RYR3: variants seen among roughly 807,000 people sequenced by gnomAD.
The protein encoded by RYR3 is ryanodine receptor 3.
In RYR3, 207 loss-of-function variants were observed where a neutral mutation model predicts 584.3. The ratio of observed to expected loss-of-function variants is 0.35; its 90% CI spans 0.32 to 0.40. The LOEUF is 0.40. Among genes scored for constraint, RYR3 ranks in the 10% least tolerant of loss-of-function variants. The probability of loss-of-function intolerance (pLI) is 1.00; values close to 1 mark genes in which losing one functional copy is unlikely to be tolerated. For synonymous variants in RYR3, 2,416 were observed against 2,248.5 expected, an observed-to-expected ratio of 1.07 and a Z score of -2.11; for missense variants, 5,616 against 6,089.2, an observed-to-expected ratio of 0.92 and a Z score of 2.59.
At chr15:33,660,052 G>A (rs949911860) in intron 33 of RYR3, 145 bp from the exon 34 acceptor site, 13 of 648,964 alleles carry the variant, frequency 2.0e-5, no homozygotes, top group Non-Finnish European at 3.3e-5. Flanking sequence ...TATTTGAAAT[G>A]CTAATTAATG....
chr15:33,488,053 AC>A (rs780638927), intron 2 of RYR3, among the ~76,000 whole-genome samples: 93 of 152,366 alleles, frequency 6.1e-4, no homozygotes, highest in African/African-American at 1.9e-3. Flanking sequence ...AAAGAAAAAA[AC>A]ATCCACCTTT....
intron 28 of RYR3, among the ~76,000 whole-genome samples, chr15:33,645,201 A>G (rs2062033986): frequency 1.3e-5 from 2 of 152,144 alleles, no homozygotes; most frequent in African/African-American, 2.4e-5. Flanking sequence ...CCCATCTTCT[A>G]AGGGGAGCAG....
intron 2 of RYR3, among the ~76,000 whole-genome samples, chr15:33,482,353 C>A (rs1323228775): frequency 6.6e-6 from 1 of 152,240 alleles, no homozygotes; most frequent in Non-Finnish European, 1.5e-5. Flanking sequence ...ACCTTTTCCT[C>A]TGGAAAGTTT....
chr15:33,768,740 C>T, intron 61 of RYR3, 33 bp downstream of exon 61: 1 of 1,604,538 alleles, frequency 6.2e-7, no homozygotes, highest in Non-Finnish European at 8.5e-7. Context: ...TACCGCTCCT[C>T]CCTGTAATTA....
At chr15:33,554,971 A>C (rs1047982034) in intron 10 of RYR3, among the ~76,000 whole-genome samples, 4 of 152,196 alleles carry the variant, frequency 2.6e-5, no homozygotes, top group Non-Finnish European at 5.9e-5. Flanking sequence ...AGCCACTTTA[A>C]ATGACTACAC....
At chr15:33,383,117 G>A (rs1278686509) in intron 1 of RYR3, among the ~76,000 whole-genome samples, 1 of 151,878 alleles carries the variant, frequency 6.6e-6, no homozygotes, top group Non-Finnish European at 1.5e-5. Flanking sequence ...GACTAGGTGA[G>A]TGTTGGAGAC....
chr15:33,846,891 C>T (rs2078757029), intron 93 of RYR3: 1 of 152,214 alleles, frequency 6.6e-6, no homozygotes, highest in Non-Finnish European at 1.5e-5. Context: ...TTCGCTGCTG[C>T]TCCTTAGTTT....
At chr15:33,621,577 C>G (rs772512970) in intron 19 of RYR3, among the ~76,000 whole-genome samples, 7 of 152,198 alleles carry the variant, frequency 4.6e-5, no homozygotes, top group Non-Finnish European at 7.4e-5. Context: ...TAGATTGTGT[C>G]CTATTACATA....
intron 57 of RYR3, among the ~76,000 whole-genome samples, chr15:33,751,196 C>T (rs1438863464): frequency 2.0e-5 from 3 of 152,236 alleles, no homozygotes; most frequent in Non-Finnish European, 2.9e-5. Flanking sequence ...AATAAACATA[C>T]GTGTGCATGT....
Position 33,728,874 on chromosome 15 carries a change from C to A in RYR3, c.7051C>A (p.Pro2351Thr). The change falls in exon 47 of 104, where the codon CCA (proline) becomes ACA (threonine). Residue 2351 changes from proline to threonine, a missense_variant. Pro to Thr is a conservative substitution (Grantham distance 38). Coordinates refer to ENST00000634891, the MANE Select transcript of RYR3 (RefSeq NM_001036.6). ...TCTTTCAGATGGGTCGGTCAGTGAG[C>A]CAGATATGGCGGCCAATTTCTGCCC... ...SLNKDGSVSE[P>T]DMAANFCPDH... 2 of 1,611,786 alleles carry A rather than the reference C, an allele frequency of 1.2e-6. No homozygotes were observed. Among genetic ancestry groups the A allele is most frequent in the Non-Finnish European group, 1.7e-6 (2 of 1,179,264 alleles).
chr15:33,580,554 C>T (rs373689203), intron 13 of RYR3, among the ~76,000 whole-genome samples: 13 of 152,300 alleles, frequency 8.5e-5, no homozygotes, highest in East Asian at 3.9e-4. Flanking sequence ...ACACAGAAGA[C>T]GCTGTCTTAT....
chr15:33,833,560 A>G (rs906215895), intron 86 of RYR3, among the ~76,000 whole-genome samples: 1 of 152,228 alleles, frequency 6.6e-6, no homozygotes, highest in African/African-American at 2.4e-5. Flanking sequence ...AATGCAGTGT[A>G]CCTAAGGAGA....
At chr15:33,483,935 AATTTAATTAAATGTTT>A (rs1395861224) in intron 2 of RYR3, among the ~76,000 whole-genome samples, 2 of 152,170 alleles carry the variant, frequency 1.3e-5, no homozygotes, top group Non-Finnish European at 2.9e-5. Flanking sequence ...CTTAGAAGAA[AATTTAATTAAATGTTT>A]ATAGCACCTG....
intron 3 of RYR3, among the ~76,000 whole-genome samples, chr15:33,508,267 A>G (rs775000249): frequency 2.0e-5 from 3 of 152,200 alleles, no homozygotes; most frequent in Admixed American, 6.5e-5. Flanking sequence ...CCACATGAAC[A>G]TGACACTTTA....
chr15:33,437,483 G>T (rs2045839450), intron 1 of RYR3, among the ~76,000 whole-genome samples: 1 of 152,208 alleles, frequency 6.6e-6, no homozygotes, highest in South Asian at 2.1e-4. Flanking sequence ...TCTTTTTTAA[G>T]ACCTTATCCC....
intron 5 of RYR3, among the ~76,000 whole-genome samples, chr15:33,534,529 A>C (rs527494970): frequency 6.6e-6 from 1 of 152,014 alleles, no homozygotes; most frequent in Non-Finnish European, 1.5e-5. Context: ...TTTTTTTTTT[A>C]GTATAGTCAA....
At chr15:33,731,716 T>C in intron 48 of RYR3, 22 bp downstream of exon 48, 1 of 1,521,456 alleles carries the variant, frequency 6.6e-7, no homozygotes, top group Non-Finnish European at 9.1e-7. Context: ...TCCTATGTTG[T>C]TACTTCTGTG....
At chr15:33,574,928 A>T (rs948854372) in intron 12 of RYR3, among the ~76,000 whole-genome samples, 1 of 152,196 alleles carries the variant, frequency 6.6e-6, no homozygotes, top group African/African-American at 2.4e-5. Flanking sequence ...TAAAGGCCCG[A>T]GGAAAATTTA....
chr15:33,680,496 G>A (rs115009118), intron 38 of RYR3, among the ~76,000 whole-genome samples: 1 of 152,146 alleles, frequency 6.6e-6, no homozygotes, highest in East Asian at 1.9e-4. Context: ...CTGCAGTTCT[G>A]GGCCTCATAT....
Sources: gnomAD v4.1 joint callset for allele counts (sites outside exome capture counted in the v4.1 genomes callset) on GRCh38, gnomAD v4.1.1 for gene constraint, MANE v1.5 for transcripts, NCBI Gene and HGNC (gene_info 2026-07-23, HGNC 2026-07-21) for gene names.